HS6ST3: variants seen among roughly 807,000 people sequenced by gnomAD.
HS6ST3 encodes heparan-sulfate 6-O-sulfotransferase 3.
Under a neutral mutation model 36.7 loss-of-function variants are expected in HS6ST3, and 12 were observed. The observed-to-expected ratio is 0.33, with a 90% CI of 0.21 to 0.53. The LOEUF is 0.53. Among genes scored for constraint, HS6ST3 ranks in the 20% least tolerant of loss-of-function variants. HS6ST3 has a pLI of 0.95. For missense variants in HS6ST3, 584 were observed against 640.9 expected (o/e 0.91, Z 0.96); for synonymous variants, 240 against 257.5 (o/e 0.93, Z 0.65).
At chr13:96,567,604 C>T (rs930287431) in intron 1 of HS6ST3, among the ~76,000 whole-genome samples, 1 of 151,958 alleles carries the variant, frequency 6.6e-6, no homozygotes, top group African/African-American at 2.4e-5. Flanking sequence ...CATCTTAAGA[C>T]ACAAAAACAC....
intron 1 of HS6ST3, among the ~76,000 whole-genome samples, chr13:96,789,382 A>C (rs577121520): frequency 1.3e-5 from 2 of 151,872 alleles, no homozygotes; most frequent in South Asian, 4.1e-4. Context: ...ACAATGTTAC[A>C]ATTTTTGCTT....
intron 1 of HS6ST3, among the ~76,000 whole-genome samples, chr13:96,568,603 A>G (rs887967369): frequency 6.6e-6 from 1 of 152,170 alleles, no homozygotes; most frequent in Non-Finnish European, 1.5e-5. Context: ...TATTATTTCA[A>G]TTTCATCACA....
intron 1 of HS6ST3, among the ~76,000 whole-genome samples, chr13:96,600,055 T>C (rs2056415858): frequency 6.6e-6 from 1 of 152,190 alleles, no homozygotes; most frequent in South Asian, 2.1e-4. Context: ...GCTTATCATA[T>C]GGTCTATGTT....
chr13:96,166,528 A>G (rs988701685), intron 1 of HS6ST3, among the ~76,000 whole-genome samples: 3 of 151,168 alleles, frequency 2.0e-5, no homozygotes, highest in African/African-American at 7.3e-5. Context: ...AATATAGTCT[A>G]GATTTTATAA....
chr13:96,827,944 G>A (rs897897482), intron 1 of HS6ST3, among the ~76,000 whole-genome samples: 3 of 152,274 alleles, frequency 2.0e-5, no homozygotes, highest in South Asian at 2.1e-4. Context: ...ATTAATAATG[G>A]CATGCCATAT....
chr13:96,098,738 C>T (rs1237952303), intron 1 of HS6ST3, among the ~76,000 whole-genome samples: 4 of 152,160 alleles, frequency 2.6e-5, no homozygotes, highest in Non-Finnish European at 2.9e-5. Flanking sequence ...CTTACTGTCA[C>T]GTGGCCCTGG....
intron 1 of HS6ST3, among the ~76,000 whole-genome samples, chr13:96,133,611 C>A (rs553670359): frequency 6.7e-6 from 1 of 149,310 alleles, no homozygotes; most frequent in Non-Finnish European, 1.5e-5. Flanking sequence ...TTAGTAGAAT[C>A]GGGGTTTCGC....
At chr13:96,165,122 T>G (rs1172151009) in intron 1 of HS6ST3, among the ~76,000 whole-genome samples, 1 of 152,078 alleles carries the variant, frequency 6.6e-6, no homozygotes, top group Non-Finnish European at 1.5e-5. Context: ...AAATTTGGAG[T>G]GGCAAAGAAT....
intron 1 of HS6ST3, among the ~76,000 whole-genome samples, chr13:96,605,115 T>C (rs2056434303): frequency 6.6e-6 from 1 of 152,148 alleles, no homozygotes; most frequent in Non-Finnish European, 1.5e-5. Flanking sequence ...TTCTAAATAA[T>C]TTATCAACAG....
At chr13:96,445,098 A>G (rs1477104108) in intron 1 of HS6ST3, among the ~76,000 whole-genome samples, 38 of 152,210 alleles carry the variant, frequency 2.5e-4, no homozygotes, top group Non-Finnish European at 1.0e-4. Context: ...TGCATTAGAG[A>G]TGCTGGATGA....
intron 1 of HS6ST3, among the ~76,000 whole-genome samples, chr13:96,750,705 T>A (rs956803159): frequency 6.6e-6 from 1 of 152,152 alleles, no homozygotes; most frequent in African/African-American, 2.4e-5. Context: ...CATGTAGACA[T>A]TCAAGAAAGA....
At chr13:96,723,362 A>G (rs910155051) in intron 1 of HS6ST3, among the ~76,000 whole-genome samples, 2 of 152,040 alleles carry the variant, frequency 1.3e-5, no homozygotes, top group African/African-American at 4.8e-5. Context: ...ACCTCGCCCT[A>G]CGCATGATGT....
intron 1 of HS6ST3, among the ~76,000 whole-genome samples, chr13:96,184,026 C>A (rs1447350046): frequency 6.6e-6 from 1 of 151,748 alleles, no homozygotes; most frequent in Non-Finnish European, 1.5e-5. Context: ...CATGGTAAAA[C>A]CCTGTCTCTA....
At chr13:96,141,057 C>A (rs919583418) in intron 1 of HS6ST3, among the ~76,000 whole-genome samples, 1 of 152,040 alleles carries the variant, frequency 6.6e-6, no homozygotes, top group African/African-American at 2.4e-5. Flanking sequence ...ACAAAAGTGT[C>A]CTATTCTGGA....
At chr13:96,222,180 A>G (rs2054459011) in intron 1 of HS6ST3, among the ~76,000 whole-genome samples, 2 of 152,210 alleles carry the variant, frequency 1.3e-5, no homozygotes, top group Admixed American at 6.5e-5. Flanking sequence ...GCTGAAGTAA[A>G]TATGACTTCC....
chr13:96,580,917 A>G (rs2056339702), intron 1 of HS6ST3, among the ~76,000 whole-genome samples: 1 of 152,156 alleles, frequency 6.6e-6, no homozygotes, highest in East Asian at 1.9e-4. Flanking sequence ...ATAATTTCAT[A>G]AGAAGTAAGA....
intron 1 of HS6ST3, among the ~76,000 whole-genome samples, chr13:96,464,609 G>A (rs1481048383): frequency 3.3e-5 from 5 of 152,240 alleles, no homozygotes; most frequent in East Asian, 3.9e-4. Context: ...ATATAAGTAC[G>A]TAGTTACATA....
chr13:96,273,820 T>C (rs2054732969), intron 1 of HS6ST3, among the ~76,000 whole-genome samples: 1 of 152,082 alleles, frequency 6.6e-6, no homozygotes, highest in African/African-American at 2.4e-5. Context: ...TGGAAAGAGC[T>C]GAGCCTCAGG....
rs199721011 is a variant in HS6ST3 at position 96,354,784 on chromosome 13, G to GA, written c.707+263223dup. On this transcript the variant is annotated intron_variant, in intron 1 of 1. Transcript: ENST00000376705. ...CAGCATTAGTAGTTTAAAGTACCCT[G>GA]AAAAAAAAGTCCATTAAAATCGAAT... Among the ~76,000 whole-genome samples the GA allele has an allele frequency of 1.5e-3, 228 of 151,788 alleles. 3 individuals carry two copies. In the East Asian group the frequency reaches 0.035, roughly 23 times the overall value.
Sources: allele counts gnomAD v4.1 joint callset (sites outside exome capture counted in the v4.1 genomes callset), GRCh38; gene constraint gnomAD v4.1.1; transcripts MANE v1.5; gene names NCBI Gene and HGNC (gene_info 2026-07-23, HGNC 2026-07-21).